Variants in C2CD3 observed in about 807,000 individuals in gnomAD.
C2CD3 encodes C2 domain containing 3 centriole elongation regulator, also known as C2 domain-containing protein 3.
Under a neutral mutation model 234.0 loss-of-function variants are expected in C2CD3, and 148 were observed. That is an observed-to-expected ratio of 0.63 (90% CI 0.55 to 0.72). C2CD3 has a LOEUF of 0.72. Among genes scored for constraint, C2CD3 ranks in the 30% least tolerant of loss-of-function variants. C2CD3 has a pLI of 0.00. For synonymous variants in C2CD3, 1,000 were observed against 1,035.4 expected (o/e 0.97, Z 0.66); for missense variants, 2,577 against 2,811.5 (o/e 0.92, Z 1.89).
chr11:74,058,564 A>C (rs1240342894), intron 24 of C2CD3, among the ~76,000 whole-genome samples: 3 of 152,186 alleles, frequency 2.0e-5, no homozygotes, highest in Non-Finnish European at 2.9e-5. Context: ...TAGAACTGAG[A>C]GTCCAATTCA....
At chr11:74,051,704 T>C (rs761805359) in intron 26 of C2CD3, among the ~76,000 whole-genome samples, 3 of 152,196 alleles carry the variant, frequency 2.0e-5, no homozygotes, top group Non-Finnish European at 4.4e-5. Context: ...TTCTCTGACA[T>C]CCTAAGTCTG....
chr11:74,044,679 G>T (rs1953269278), intron 28 of C2CD3, among the ~76,000 whole-genome samples: 1 of 152,116 alleles, frequency 6.6e-6, no homozygotes, highest in Admixed American at 6.5e-5. Context: ...TTACCTAACA[G>T]TCAGTTTTTC....
In C2CD3 at chr11:74,078,292, T is replaced by C. The variant is rs1955164731; in HGVS notation, c.4426A>G (p.Thr1476Ala). ...TACCAAAGCAGTGATGGGCCCCTGG[T>C]GACTTCTGCTCTTTTGGATGCCTTG... ...TFKASKRAEV[T>A]RGPSLLWYFR... The change falls in exon 23 of 33, where the codon ACC becomes GCC. Residue 1476 changes from threonine to alanine, a missense_variant. Thr to Ala is a moderately conservative substitution (Grantham distance 58). Transcript: ENST00000334126. 6.2e-7 allele frequency: 1 copy of C among 1,614,204 alleles called. No homozygotes were observed. Among genetic ancestry groups the C allele is most frequent in the Non-Finnish European group, 8.5e-7 (1 of 1,180,028 alleles).
chr11:74,072,428 A>G (rs1370098479), intron 24 of C2CD3, among the ~76,000 whole-genome samples: 1 of 152,210 alleles, frequency 6.6e-6, no homozygotes, highest in Non-Finnish European at 1.5e-5. Context: ...TTTGAGAGAC[A>G]CCAAAACAGA....
intron 11 of C2CD3, 171 bp from the exon 12 acceptor site, chr11:74,109,323 G>A: frequency 1.9e-6 from 1 of 525,590 alleles, no homozygotes; most frequent in Non-Finnish European, 3.3e-6. Context: ...GAATGAGCAG[G>A]GACAAAGAGA....
chr11:74,076,688 T>TA (rs1385996061), intron 23 of C2CD3, among the ~76,000 whole-genome samples: 1 of 152,188 alleles, frequency 6.6e-6, no homozygotes, highest in Admixed American at 6.5e-5. Flanking sequence ...TGTCTGAAAT[T>TA]ACTACAGTCC....
At chr11:74,042,945 A>C (rs1004318205) in intron 28 of C2CD3, among the ~76,000 whole-genome samples, 1 of 152,198 alleles carries the variant, frequency 6.6e-6, no homozygotes, top group Non-Finnish European at 1.5e-5. Flanking sequence ...CAAATTCCTG[A>C]GCATGATATT....
At chr11:74,034,866 C>T (rs190225905) in intron 30 of C2CD3, among the ~76,000 whole-genome samples, 1 of 152,312 alleles carries the variant, frequency 6.6e-6, no homozygotes, top group African/African-American at 2.4e-5. Context: ...CTCTCTGAGC[C>T]TATTGATCTG....
At chr11:74,154,128 T>C (rs889763080) in intron 3 of C2CD3, among the ~76,000 whole-genome samples, 4 of 151,934 alleles carry the variant, frequency 2.6e-5, no homozygotes, top group Non-Finnish European at 4.4e-5. Flanking sequence ...GGGAAAACAG[T>C]GGAGAAAATC....
At chr11:74,097,405 A>C (rs1956152273) in intron 16 of C2CD3, among the ~76,000 whole-genome samples, 2 of 152,310 alleles carry the variant, frequency 1.3e-5, no homozygotes, top group South Asian at 2.1e-4. Flanking sequence ...CTGAACTTGA[A>C]GTTAGAAGAC....
chr11:74,151,150 TC>T (rs1359521036), intron 3 of C2CD3, among the ~76,000 whole-genome samples: 1 of 152,142 alleles, frequency 6.6e-6, no homozygotes, highest in Non-Finnish European at 1.5e-5. Context: ...GATCTCGAAC[TC>T]CTGACCTGGT....
Position 74,109,039 on chromosome 11 carries a change from T to A in C2CD3, c.1957A>T (p.Lys653Ter), listed in dbSNP as rs1956643860. Residue 653 changes from lysine to a stop codon, truncating the protein, a stop_gained, in exon 12 of 33, where the codon AAA becomes TAA. Coordinates refer to ENST00000334126, the MANE Select transcript of C2CD3 (RefSeq NM_001286577.2). LOFTEE classifies it high-confidence loss of function. The stretch of plus-strand genomic sequence containing the variant: ...GCCAAAATCACTCAAAGTACCTTTT[T>A]CTGTGGAGTTTTCTTTACATAAATT... The part of the protein sequence containing the change: ...FQIYVKKTPQ[K>*]KPEVIGSVSL... 6.4e-7 allele frequency: 1 copy of A among 1,564,380 alleles called. No individual in the cohort carries two copies. Among genetic ancestry groups the A allele is most frequent in the Non-Finnish European group, 8.8e-7 (1 of 1,136,896 alleles).
At chr11:74,151,305 C>CTTTA (rs202206182) in intron 3 of C2CD3, among the ~76,000 whole-genome samples, 3,652 of 133,382 alleles carry the variant, frequency 0.027, 94 homozygotes, top group African/African-American at 0.064. Context: ...ATCCAACACT[C>CTTTA]TTTATTTATT....
At chr11:74,038,158 C>T (rs1302916357) in intron 29 of C2CD3, among the ~76,000 whole-genome samples, 1 of 152,204 alleles carries the variant, frequency 6.6e-6, no homozygotes, top group African/African-American at 2.4e-5. Flanking sequence ...TCTTTCTGCA[C>T]TCTTCCATCA....
chr11:74,036,922 T>A (rs533893559), intron 30 of C2CD3, among the ~76,000 whole-genome samples: 2 of 152,166 alleles, frequency 1.3e-5, no homozygotes, highest in Non-Finnish European at 2.9e-5. Flanking sequence ...TGGGGTTTTT[T>A]AAAAGTCCCT....
chr11:74,095,437 G>A (rs192505680), intron 16 of C2CD3, 29 bp from the exon 17 acceptor site: 1 of 1,556,784 alleles, frequency 6.4e-7, no homozygotes, highest in Non-Finnish European at 8.8e-7. Flanking sequence ...ACACTGGTGA[G>A]CTTTAAAGAG....
At chr11:74,100,741 T>C (rs1162999050) in intron 14 of C2CD3, 65 bp from the exon 15 acceptor site, 2 of 1,351,036 alleles carry the variant, frequency 1.5e-6, no homozygotes, top group Admixed American at 2.1e-5. Context: ...TAATTTATAC[T>C]TTCATTCAAT....
chr11:74,141,517 T>C (rs1958047560), intron 3 of C2CD3, among the ~76,000 whole-genome samples: 1 of 152,230 alleles, frequency 6.6e-6, no homozygotes, highest in East Asian at 1.9e-4. Flanking sequence ...AACTGCTGAC[T>C]GGCCACAGAG....
intron 24 of C2CD3, among the ~76,000 whole-genome samples, chr11:74,066,280 A>G (rs1309025267): frequency 0.016 from 70 of 4,400 alleles, no homozygotes; most frequent in East Asian, 0.049. Flanking sequence ...GGGGAGGGAT[A>G]GTGTTAGGAG....
Sources: allele counts gnomAD v4.1 joint callset (sites outside exome capture counted in the v4.1 genomes callset), GRCh38; gene constraint gnomAD v4.1.1; transcripts MANE v1.5; gene names NCBI Gene and HGNC (gene_info 2026-07-23, HGNC 2026-07-21).